The following MED23 variants were observed in gnomAD, a reference collection of about 807,000 sequenced individuals.
MED23 encodes the protein mediator of RNA polymerase II transcription subunit 23.
In MED23, 105 loss-of-function variants were observed where a neutral mutation model predicts 163.9. That is an observed-to-expected ratio of 0.64 (90% CI 0.55 to 0.75). MED23 has a LOEUF of 0.75. MED23 is among the 30% of genes least tolerant of loss of function. The pLI is 0.00. For missense variants in MED23, 1,054 were observed against 1,649.0 expected, an observed-to-expected ratio of 0.64 and a Z score of 6.25; for synonymous variants, 561 against 565.6, an observed-to-expected ratio of 0.99 and a Z score of 0.12.
At chr6:131,623,525 G>A (rs979232902) in intron 4 of MED23, 63 bp from the exon 5 acceptor site, 15 of 1,291,718 alleles carry the variant, frequency 1.2e-5, no homozygotes, top group South Asian at 7.1e-5. Context: ...TCTAATAGCC[G>A]CCAATATGGT....
intron 11 of MED23, among the ~76,000 whole-genome samples, chr6:131,609,333 C>G (rs530613464): frequency 6.6e-6 from 1 of 152,002 alleles, no homozygotes; most frequent in Admixed American, 6.6e-5. Context: ...AACGATTTCC[C>G]CTTTATATTT....
chr6:131,621,423 T>C (rs1777098076), intron 6 of MED23, among the ~76,000 whole-genome samples: 1 of 151,920 alleles, frequency 6.6e-6, no homozygotes. Context: ...ATTTATTGGG[T>C]TTCAACTGTA....
intron 13 of MED23, 147 bp downstream of exon 13, chr6:131,606,332 C>A: frequency 2.7e-6 from 2 of 739,788 alleles, no homozygotes; most frequent in South Asian, 3.3e-5. Context: ...GATTCTCCTG[C>A]TATGACATAT....
At chr6:131,616,039 A>T in intron 9 of MED23, 37 bp from the exon 10 acceptor site, 1 of 1,487,034 alleles carries the variant, frequency 6.7e-7, no homozygotes, top group Non-Finnish European at 9.4e-7. Flanking sequence ...CTTCAAGATC[A>T]ATGTCAACAT....
chr6:131,607,073 C>T (rs1415866033), intron 12 of MED23, among the ~76,000 whole-genome samples: 2 of 151,852 alleles, frequency 1.3e-5, no homozygotes, highest in African/African-American at 2.4e-5. Flanking sequence ...TACATTTAAA[C>T]ATATTGACTA....
At position 131,589,515 on chromosome 6, in the gene MED23, A is replaced by G; in HGVS notation, c.3889T>C (p.Phe1297Leu). ...AACATATACTTCATGTGATAGAGGA[A>G]GTCACAGATGGGATCCATGTAATTT... is the stretch of plus-strand genomic sequence containing the variant. ...HLNYMDPICD[F>L]LYHMKYMFTG... is the part of the protein sequence containing the mutation. The change falls in exon 28 of 29, where the codon TTC becomes CTC. Residue 1297 changes from phenylalanine (F) to leucine (L), a missense_variant. Phe to Leu is a conservative substitution (Grantham distance 22). Around this residue, in one of 11 missense-constraint regions of MED23, gnomAD observed 362 missense variants for 471.6 expected, o/e 0.77. Coordinates refer to ENST00000368068, the MANE Select transcript of MED23 (RefSeq NM_004830.4). 6.2e-7 allele frequency: 1 copy of G among 1,613,726 alleles called. No homozygotes were observed. Among genetic ancestry groups the G allele is most frequent in the South Asian group, 1.1e-5 (1 of 91,062 alleles).
intron 14 of MED23, among the ~76,000 whole-genome samples, chr6:131,604,542 C>T (rs1423168503): frequency 6.6e-6 from 1 of 152,060 alleles, no homozygotes; most frequent in East Asian, 1.9e-4. Context: ...ATACGGATCC[C>T]CCTGCTCATG....
intron 10 of MED23, among the ~76,000 whole-genome samples, chr6:131,613,021 G>T (rs1161739394): frequency 6.6e-6 from 1 of 151,942 alleles, no homozygotes; most frequent in Non-Finnish European, 1.5e-5. Context: ...GGAGAAGTTG[G>T]GAAGAAAAAT....
At chr6:131,604,395 T>G (rs1775705193) in intron 14 of MED23, 75 bp from the exon 15 acceptor site, 9 of 1,431,624 alleles carry the variant, frequency 6.3e-6, no homozygotes, top group African/African-American at 1.4e-5. Context: ...TACTTAGAAG[T>G]AACTTAGTAT....
At chr6:131,583,861 C>T (rs897222563), downstream of MED23, 10 of 1,613,950 alleles carry the variant, frequency 6.2e-6, no homozygotes, top group Middle Eastern at 1.6e-4. Flanking sequence ...CGGACTTGCT[C>T]GGGAGGGTAA....
At chr6:131,592,853 T>C in intron 24 of MED23, 153 bp downstream of exon 24, 6 of 908,586 alleles carry the variant, frequency 6.6e-6, no homozygotes, top group Non-Finnish European at 1.0e-5. Context: ...CCATAACTCC[T>C]ATATCACAAA....
At chr6:131,578,177 G>T (rs1397285273) in intron 30 of MED23, among the ~76,000 whole-genome samples, 1 of 125,516 alleles carries the variant, frequency 8.0e-6, no homozygotes, top group Non-Finnish European at 1.7e-5. Context: ...ATTACACTTC[G>T]TAAATCTTTA....
chr6:131,600,857 G>C (rs188614012), intron 17 of MED23, among the ~76,000 whole-genome samples: 2 of 152,282 alleles, frequency 1.3e-5, no homozygotes, highest in African/African-American at 4.8e-5. Context: ...AAAAGGCTTT[G>C]TATTCTCCAG....
At position 131,591,541 on chromosome 6, in the gene MED23, G is replaced by A; in HGVS notation, c.3472-14C>T. 1.9e-6 allele frequency: 3 copies of A among 1,584,784 alleles called. No individual in the cohort carries two copies. The highest frequency in any genetic ancestry group is 2.6e-6 in the Non-Finnish European group (3 of 1,155,800). On this transcript the variant is annotated splice_polypyrimidine_tract_variant and intron_variant, in intron 25 of 28. Coordinates refer to ENST00000368068, the MANE Select transcript of MED23 (RefSeq NM_004830.4). The stretch of plus-strand genomic sequence containing the variant: ...CCAATATGGCTCCTTTAAAATCGGA[G>A]GAAAGCTAGTGAAAAATATCACTTA...
In MED23 at chr6:131,592,945, T is replaced by C. The variant is rs1774756317; in HGVS notation, c.3398+61A>G. On this transcript the variant is annotated intron_variant, in intron 24 of 28. Transcript: ENST00000368068. The stretch of plus-strand genomic sequence containing the variant: ...ACAGGTTTGTCTTAAAAGTTTGAAA[T>C]AGAATACCATTCTATTTACAAATAA... 7 of 1,596,088 alleles carry C rather than the reference T, an allele frequency of 4.4e-6. No individual in the cohort carries two copies. In the East Asian group the frequency reaches 1.1e-4, roughly 26 times the overall value.
In MED23 at chr6:131,603,221, A is replaced by G; in HGVS notation, c.1757-17T>C. ...AAAGCTGACCTGGAGGAAAAAGACA[A>G]TTTAAGGTACCAATTATTAAAGGCT... On this transcript the variant is annotated splice_polypyrimidine_tract_variant and intron_variant, in intron 15 of 28. Coordinates refer to ENST00000368068, the MANE Select transcript of MED23 (RefSeq NM_004830.4). 1 of 1,612,668 alleles carries G rather than the reference A, an allele frequency of 6.2e-7. No homozygotes were observed. Among genetic ancestry groups the G allele is most frequent in the Non-Finnish European group, 8.5e-7 (1 of 1,178,712 alleles).
intron 30 of MED23, among the ~76,000 whole-genome samples, chr6:131,574,655 C>T: frequency 6.6e-6 from 1 of 151,984 alleles, no homozygotes; most frequent in African/African-American, 2.4e-5. Context: ...AAATGGCCAA[C>T]ATATAAGTAT....
At chr6:131,600,943 G>A (rs1775428411) in intron 17 of MED23, among the ~76,000 whole-genome samples, 1 of 152,088 alleles carries the variant, frequency 6.6e-6, no homozygotes, top group Non-Finnish European at 1.5e-5. Context: ...AACAAAAGGG[G>A]AAGCATATGC....
At chr6:131,611,055 T>C (rs1378944337) in intron 10 of MED23, among the ~76,000 whole-genome samples, 1 of 152,186 alleles carries the variant, frequency 6.6e-6, no homozygotes, top group East Asian at 1.9e-4. Flanking sequence ...TGTTAAGCCA[T>C]GTTTAAGCCA....
Sources: allele counts gnomAD v4.1 joint callset (sites outside exome capture counted in the v4.1 genomes callset), GRCh38; gene constraint gnomAD v4.1.1; regional missense constraint gnomAD v4.1.1; transcripts MANE v1.5; gene names NCBI Gene and HGNC (gene_info 2026-07-23, HGNC 2026-07-21).